The following PTPRS variants were observed in gnomAD, a reference collection of about 807,000 sequenced individuals.
PTPRS encodes the protein receptor-type tyrosine-protein phosphatase S.
In PTPRS, 63 loss-of-function variants were observed where a neutral mutation model predicts 215.3. That is an observed-to-expected ratio of 0.29 (90% CI 0.24 to 0.36). The LOEUF is 0.36. Among genes scored for constraint, PTPRS ranks in the 10% least tolerant of loss-of-function variants. The pLI, the probability that PTPRS is intolerant of heterozygous loss-of-function variation, is 1.00. For missense variants in PTPRS, 2,258 were observed against 2,825.8 expected (o/e 0.80, Z 4.56); for synonymous variants, 1,404 against 1,191.4 (o/e 1.18, Z -3.68).
chr19:5,313,635 A>G (rs1037168134), intron 1 of PTPRS, among the ~76,000 whole-genome samples: 36 of 152,134 alleles, frequency 2.4e-4, no homozygotes, highest in African/African-American at 6.8e-4. Flanking sequence ...ACGACCATCA[A>G]GGGCAGGCGG....
chr19:5,281,554 C>G (rs569428635), intron 2 of PTPRS, among the ~76,000 whole-genome samples: 3 of 152,344 alleles, frequency 2.0e-5, no homozygotes, highest in South Asian at 4.1e-4. Flanking sequence ...CGACATCTTA[C>G]TGTCCCTTCC....
intron 3 of PTPRS, among the ~76,000 whole-genome samples, chr19:5,273,878 G>A (rs1463845216): frequency 1.3e-5 from 2 of 152,200 alleles, no homozygotes; most frequent in South Asian, 2.1e-4. Context: ...GAAGACATGC[G>A]GAATGTGTCA....
chr19:5,319,380 C>T (rs1048965009), intron 1 of PTPRS, among the ~76,000 whole-genome samples: 6 of 150,986 alleles, frequency 4.0e-5, no homozygotes, highest in Admixed American at 1.3e-4. Context: ...TGCACCACTG[C>T]AGTCCAGCCT....
At chr19:5,256,487 G>T (rs530118281) in intron 8 of PTPRS, among the ~76,000 whole-genome samples, 2 of 152,060 alleles carry the variant, frequency 1.3e-5, no homozygotes, top group Admixed American at 6.6e-5. Flanking sequence ...ACCTCTGGGG[G>T]ATGAGGACAC....
Position 5,244,486 on chromosome 19 carries a change from T to C in PTPRS, c.989-4A>G. On this transcript the variant is annotated splice_region_variant and splice_polypyrimidine_tract_variant and intron_variant, in intron 10 of 37. Coordinates refer to ENST00000262963, the MANE Select transcript of PTPRS (RefSeq NM_002850.4). This position sits in a 1 kb window ranked among gnomAD's most constrained non-coding sequence, Gnocchi z 7.2. ...GTCCCGGGAGCTTTGGGGAGAGCTG[T>C]GGGCAGGAGGCAGCTGTGTCACGCA... is the stretch of plus-strand genomic sequence containing the variant. The C allele has an allele frequency of 6.2e-7, 1 of 1,611,418 alleles. No homozygotes were observed. The highest frequency in any genetic ancestry group is 1.3e-5 in the African/African-American group (1 of 74,976).
intron 37 of PTPRS, 55 bp downstream of exon 37, chr19:5,207,867 T>A (rs12979222): frequency 0.069 from 110,512 of 1,595,470 alleles, 4,303 homozygotes; most frequent in African/African-American, 0.15. Context: ...AACTGGAGCT[T>A]AGGGGCAGTC....
In PTPRS at chr19:5,278,535, G is replaced by A. The variant is rs139004467; in HGVS notation, c.92-4191C>T. 1.3e-3 allele frequency among the ~76,000 whole-genome samples: 194 copies of A among 152,068 alleles called. 1 individual carries two copies. Among genetic ancestry groups the A allele is most frequent in the East Asian group, 0.011 (57 of 5,156 alleles). On this transcript the variant is annotated intron_variant, in intron 2 of 37. Coordinates refer to ENST00000262963, the MANE Select transcript of PTPRS (RefSeq NM_002850.4). Reference sequence around the variant, plus strand: ...CTCCGTCACCCAGGCTCAAGTGCAGGGCGCGATCTTGGCTCACTGCAACCT... The same window carrying A: ...CTCCGTCACCCAGGCTCAAGTGCAGAGCGCGATCTTGGCTCACTGCAACCT...
At chr19:5,218,305 G>A (rs2041668531) in intron 25 of PTPRS, 115 bp downstream of exon 25, 2 of 828,524 alleles carry the variant, frequency 2.4e-6, no homozygotes, top group East Asian at 2.4e-5. Flanking sequence ...GAATGTGGCT[G>A]CACCAAGCAT....
At chr19:5,264,167 C>CTCTCTTGTCTTTGTCCCATGATGT (rs71170902) in intron 5 of PTPRS, among the ~76,000 whole-genome samples, 91,394 of 151,866 alleles carry the variant, frequency 0.6, 29,214 homozygotes, top group East Asian at 0.84. Context: ...CCGCCATCAC[C>CTCTCTTGTCTTTGTCCCATGATGT]TCTTACTGCT....
At chr19:5,271,272 G>T (rs747750037) in intron 4 of PTPRS, among the ~76,000 whole-genome samples, 14 of 152,184 alleles carry the variant, frequency 9.2e-5, no homozygotes, top group Non-Finnish European at 1.2e-4. Context: ...TAACAGTGAT[G>T]AACACAGTAA....
intron 1 of PTPRS, among the ~76,000 whole-genome samples, chr19:5,307,769 G>T (rs771297730): frequency 6.6e-6 from 1 of 152,190 alleles, no homozygotes; most frequent in Admixed American, 6.5e-5. Context: ...TTCGGCTCAG[G>T]GCGACTGTAC....
intron 7 of PTPRS, among the ~76,000 whole-genome samples, chr19:5,258,729 G>C (rs922223941): frequency 6.6e-6 from 1 of 152,166 alleles, no homozygotes; most frequent in Non-Finnish European, 1.5e-5. Flanking sequence ...GAAATTTCAG[G>C]ATTAGGTTAT....
chr19:5,222,438 G>A (rs1250578529), intron 18 of PTPRS, among the ~76,000 whole-genome samples: 1 of 129,722 alleles, frequency 7.7e-6, no homozygotes, highest in Non-Finnish European at 1.6e-5. Flanking sequence ...AGAGGCTGCA[G>A]AAAGAAGGTG....
intron 4 of PTPRS, among the ~76,000 whole-genome samples, chr19:5,269,921 CA>C (rs33953639): frequency 0.22 from 18,110 of 82,082 alleles, 1,324 homozygotes; most frequent in Admixed American, 0.32. Flanking sequence ...AACTCCATCT[CA>C]AAAAAAAAAA....
At chr19:5,216,483 CTCACCCACATCCCTG>C in intron 26 of PTPRS, among the ~76,000 whole-genome samples, 1 of 152,222 alleles carries the variant, frequency 6.6e-6, no homozygotes, top group Non-Finnish European at 1.5e-5. Flanking sequence ...ACATACGTGC[CTCACCCACATCCCTG>C]ACACACACAT....
intron 1 of PTPRS, among the ~76,000 whole-genome samples, chr19:5,313,437 T>G (rs936009095): frequency 1.3e-5 from 2 of 152,112 alleles, no homozygotes; most frequent in African/African-American, 4.8e-5. Flanking sequence ...CACACACGCA[T>G]AGGAAACCGG....
At position 5,294,067 on chromosome 19, in the gene PTPRS, G is replaced by C. The variant is rs1450104371; in HGVS notation, c.-94-7833C>G. Among the ~76,000 whole-genome samples, 1 of 152,308 alleles carries C rather than the reference G, an allele frequency of 6.6e-6. No homozygotes were observed. Among genetic ancestry groups the C allele is most frequent in the Middle Eastern group, 3.4e-3 (1 of 294 alleles). On this transcript the variant is annotated intron_variant, in intron 1 of 37. Coordinates refer to ENST00000262963, the MANE Select transcript of PTPRS (RefSeq NM_002850.4). This position sits in a 1 kb window ranked among gnomAD's most constrained non-coding sequence, Gnocchi z 5.1. Reference sequence around the variant, plus strand: ...GCGGGACCTGGGGGTCTGGGGACGGGACAGGGGCAGAGGCCGGGATGGAGA... The same window carrying C: ...GCGGGACCTGGGGGTCTGGGGACGGCACAGGGGCAGAGGCCGGGATGGAGA...
At chr19:5,337,136 T>C (rs1314795286) in intron 1 of PTPRS, among the ~76,000 whole-genome samples, 3 of 152,168 alleles carry the variant, frequency 2.0e-5, no homozygotes, top group Non-Finnish European at 2.9e-5. Flanking sequence ...ACTCTGCAAA[T>C]GGAGCTTAAT....
rs182372851 is a variant in PTPRS at position 5,205,574 on chromosome 19, C to T, written c.*1200G>A. Among the ~76,000 whole-genome samples the T allele has an allele frequency of 1.9e-4, 29 of 152,342 alleles. No individual in the cohort carries two copies. Among genetic ancestry groups the T allele is most frequent in the Admixed American group, 1.8e-3 (27 of 15,304 alleles). On this transcript the variant is annotated 3_prime_UTR_variant, in exon 38 of 38. Transcript: ENST00000262963. Reference sequence around the variant, plus strand: ...ACACGGGGGTGGGAAAACCACCCGGCTGCTTCCGCTGGAATAAACAGTGTT... The same window carrying T: ...ACACGGGGGTGGGAAAACCACCCGGTTGCTTCCGCTGGAATAAACAGTGTT...
Sources: gnomAD v4.1 joint callset for allele counts (sites outside exome capture counted in the v4.1 genomes callset) on GRCh38, gnomAD v4.1.1 for gene constraint, Gnocchi (gnomAD v3.1) non-coding constraint, MANE v1.5 for transcripts, NCBI Gene and HGNC (gene_info 2026-07-23, HGNC 2026-07-21) for gene names.